The following PHIP variants were observed in gnomAD, a reference collection of about 807,000 sequenced individuals.
The protein encoded by PHIP is PH-interacting protein.
Under a neutral mutation model 236.8 loss-of-function variants are expected in PHIP, and 54 were observed. The observed-to-expected ratio is 0.23, with a 90% CI of 0.18 to 0.29. The LOEUF is 0.29. Ranked by LOEUF, PHIP falls within the 10% of genes least tolerant of loss-of-function variation. PHIP has a pLI of 1.00. For synonymous variants in PHIP, 756 were observed against 718.9 expected (o/e 1.05, Z -0.83); for missense variants, 1,370 against 2,190.8 (o/e 0.63, Z 7.48).
chr6:78,997,387 T>C (rs552062377), intron 19 of PHIP, 27 bp downstream of exon 19: 34 of 1,598,416 alleles, frequency 2.1e-5, no homozygotes, highest in South Asian at 2.1e-4. Context: ...GGAACTATGG[T>C]ACATAAAAAT....
At chr6:78,984,425 G>C (rs1332161607) in intron 22 of PHIP, among the ~76,000 whole-genome samples, 1 of 151,576 alleles carries the variant, frequency 6.6e-6, no homozygotes, top group Non-Finnish European at 1.5e-5. Flanking sequence ...TGGAGTACTT[G>C]GCTCTTACAG....
At chr6:78,988,434 A>C (rs1161444419) in intron 20 of PHIP, 85 bp from the exon 21 acceptor site, 1 of 1,054,058 alleles carries the variant, frequency 9.5e-7, no homozygotes, top group African/African-American at 1.6e-5. Context: ...TTAATTAAAA[A>C]AATTCAAGCT....
chr6:79,018,728 A>T (rs568359165), intron 10 of PHIP, among the ~76,000 whole-genome samples: 1 of 152,032 alleles, frequency 6.6e-6, no homozygotes, highest in South Asian at 2.1e-4. Context: ...TTAACTATAG[A>T]ATACCTTCAA....
intron 6 of PHIP, among the ~76,000 whole-genome samples, chr6:79,057,123 G>A (rs540018170): frequency 6.6e-6 from 1 of 152,128 alleles, no homozygotes; most frequent in African/African-American, 2.4e-5. Flanking sequence ...TTAAGTTTGA[G>A]ATGAATGTGA....
Position 78,970,081 on chromosome 6 carries a change from A to G in PHIP, c.3090T>C (p.Thr1030=). 1.2e-6 allele frequency: 2 copies of G among 1,613,706 alleles called. No individual in the cohort carries two copies. Among genetic ancestry groups the G allele is most frequent in the Non-Finnish European group, 1.7e-6 (2 of 1,179,704 alleles). ...CLKLAFLDPD[T]GKLTGGSFTM... ...TAAATGATCCGCCAGTCAGTTTACCAGTATCAGGATCTAGAAAAGCAAGTT... is the reference window on the plus strand; with the variant it reads ...TAAATGATCCGCCAGTCAGTTTACCGGTATCAGGATCTAGAAAAGCAAGTT... The change falls in exon 26 of 40, where the codon ACT becomes ACC. Residue 1030 remains threonine (T), a synonymous_variant. Transcript: ENST00000275034.
rs1437470879 is a variant in PHIP, at chr6:79,078,249, G to GA, written c.-182_-181insT. The GA allele has an allele frequency of 1.0e-5, 6 of 573,620 alleles. No individual in the cohort carries two copies. Among genetic ancestry groups the GA allele is most frequent in the Non-Finnish European group, 1.8e-5 (6 of 328,774 alleles). The allele number at this position is 573,620 out of a possible 1,614,324, so 35.5% of individuals were successfully genotyped here. A position where few individuals can be genotyped will look rare whatever the true frequency, so the allele number is the denominator to read the frequency against. ...AGGAGGAAACAACAACTCTCAGGCA[G>GA]CGACTACGGCCGTGGCCGCCTCCGC... is the stretch of plus-strand genomic sequence containing the variant. On this transcript the variant is annotated 5_prime_UTR_variant, in exon 1 of 40. Transcript: ENST00000275034.
In PHIP at chr6:78,939,021, A is replaced by G. The variant is rs1446067322; in HGVS notation, c.*1672T>C. Reference sequence around the variant, plus strand: ...TCACTTTTTAAAAATGTAGTATCTGAAAATTTTGATTACATTTTTGTACCA... The same window carrying G: ...TCACTTTTTAAAAATGTAGTATCTGGAAATTTTGATTACATTTTTGTACCA... On this transcript the variant is annotated 3_prime_UTR_variant, in exon 40 of 40. Coordinates refer to ENST00000275034, the MANE Select transcript of PHIP (RefSeq NM_017934.7). 6.6e-6 allele frequency: 1 copy of G among 151,772 alleles called. No individual in the cohort carries two copies. The highest frequency in any genetic ancestry group is 1.5e-5 in the Non-Finnish European group (1 of 67,700). 9.4% of individuals were successfully genotyped at this position (151,772 alleles called of 1,614,324 possible).
At chr6:79,005,997 C>A (rs1279687415) in intron 15 of PHIP, among the ~76,000 whole-genome samples, 1 of 151,960 alleles carries the variant, frequency 6.6e-6, no homozygotes, top group Admixed American at 6.6e-5. Context: ...TCCTATATAA[C>A]ACATTTCATT....
intron 20 of PHIP, among the ~76,000 whole-genome samples, chr6:78,990,547 T>C (rs1444856037): frequency 6.6e-6 from 1 of 151,954 alleles, no homozygotes; most frequent in Admixed American, 6.6e-5. Flanking sequence ...CATAACAAAA[T>C]GCTATTTTTA....
intron 31 of PHIP, among the ~76,000 whole-genome samples, chr6:78,960,942 TCA>T (rs1233878317): frequency 6.6e-6 from 1 of 152,106 alleles, no homozygotes; most frequent in Non-Finnish European, 1.5e-5. Context: ...AAATAACTGG[TCA>T]CAAAAACTTT....
At chr6:78,977,760 T>C (rs190677548) in intron 24 of PHIP, among the ~76,000 whole-genome samples, 214 of 152,298 alleles carry the variant, frequency 1.4e-3, no homozygotes, top group African/African-American at 4.9e-3. Flanking sequence ...AACAATGTGG[T>C]AATGTTCTGT....
intron 6 of PHIP, among the ~76,000 whole-genome samples, chr6:79,057,746 A>T (rs1773145628): frequency 1.3e-5 from 2 of 152,148 alleles, no homozygotes; most frequent in South Asian, 4.1e-4. Context: ...GAAATAAGTC[A>T]GTACTACAAA....
At chr6:79,070,009 C>T (rs2127779355) in intron 4 of PHIP, among the ~76,000 whole-genome samples, 1 of 152,114 alleles carries the variant, frequency 6.6e-6, no homozygotes, top group South Asian at 2.1e-4. Flanking sequence ...AAATGCAATA[C>T]TACGCTTCCA....
chr6:79,060,413 C>T (rs1773315058), intron 6 of PHIP, 65 bp downstream of exon 6: 1 of 1,098,912 alleles, frequency 9.1e-7, no homozygotes, highest in Non-Finnish European at 1.3e-6. Context: ...AACTAAAAAA[C>T]CTTTTCATTT....
chr6:79,015,569 G>T, intron 14 of PHIP, 61 bp downstream of exon 14: 1 of 1,241,510 alleles, frequency 8.1e-7, no homozygotes, highest in Non-Finnish European at 1.1e-6. Flanking sequence ...TCCTCAATGA[G>T]AATGTTTCAT....
intron 39 of PHIP, among the ~76,000 whole-genome samples, chr6:78,942,364 T>C (rs1386386080): frequency 6.6e-6 from 1 of 152,148 alleles, no homozygotes. Context: ...GTGCCTGTAA[T>C]CCCAGCTACT....
chr6:78,966,146 T>TA (rs1033583273), intron 27 of PHIP, 90 bp from the exon 28 acceptor site: 6 of 769,116 alleles, frequency 7.8e-6, no homozygotes, highest in African/African-American at 1.7e-5. Context: ...GTACCTAAAC[T>TA]GCCTGTATGA....
intron 12 of PHIP, among the ~76,000 whole-genome samples, chr6:79,016,973 TTA>T (rs1054271870): frequency 2.0e-5 from 3 of 152,030 alleles, no homozygotes; most frequent in African/African-American, 7.2e-5. Flanking sequence ...AGAAGTAGCT[TTA>T]TTTCCTTTTA....
intron 21 of PHIP, among the ~76,000 whole-genome samples, chr6:78,987,578 C>A (rs150776378): frequency 6.6e-6 from 1 of 152,160 alleles, no homozygotes; most frequent in East Asian, 1.9e-4. Flanking sequence ...ATGATTACAT[C>A]TCTAACCTGT....
Sources: allele counts gnomAD v4.1 joint callset (sites outside exome capture counted in the v4.1 genomes callset), GRCh38; gene constraint gnomAD v4.1.1; transcripts MANE v1.5; gene names NCBI Gene and HGNC (gene_info 2026-07-23, HGNC 2026-07-21).